GLI3: variants seen among roughly 807,000 people sequenced by gnomAD.
GLI3 encodes GLI family zinc finger 3.
Under a neutral mutation model 100.8 loss-of-function variants are expected in GLI3, and 20 were observed. That is an observed-to-expected ratio of 0.20 (90% CI 0.14 to 0.29). The LOEUF (loss-of-function observed/expected upper bound fraction) is 0.29, where lower values mean the gene tolerates loss of function less well. GLI3 is among the 10% of genes least tolerant of loss of function. The pLI is 1.00. For synonymous variants in GLI3, 938 were observed against 860.5 expected, an observed-to-expected ratio of 1.09 and a Z score of -1.58; for missense variants, 2,040 against 2,128.5, an observed-to-expected ratio of 0.96 and a Z score of 0.82.
At chr7:41,998,136 C>T (rs990604962) in intron 10 of GLI3, among the ~76,000 whole-genome samples, 6 of 152,054 alleles carry the variant, frequency 3.9e-5, no homozygotes, top group Admixed American at 1.3e-4. Context: ...TGGAAAGAGG[C>T]GGTAAAGGAT....
At chr7:42,258,650 G>C (rs1002122729) in intron 1 of GLI3, among the ~76,000 whole-genome samples, 1 of 152,206 alleles carries the variant, frequency 6.6e-6, no homozygotes, top group Non-Finnish European at 1.5e-5. Flanking sequence ...AGAAGTCCAA[G>C]AGCAAGGTGC....
intron 10 of GLI3, among the ~76,000 whole-genome samples, chr7:42,008,134 G>A (rs1423095898): frequency 6.6e-6 from 1 of 152,200 alleles, no homozygotes; most frequent in African/African-American, 2.4e-5. Context: ...TGGATGCTCT[G>A]TATTACCTCT....
chr7:41,997,487 T>C (rs372421134), intron 10 of GLI3, among the ~76,000 whole-genome samples: 28 of 152,290 alleles, frequency 1.8e-4, no homozygotes, highest in African/African-American at 6.7e-4. Context: ...ATACTGAGTA[T>C]CAGATCCACT....
intron 3 of GLI3, among the ~76,000 whole-genome samples, chr7:42,105,156 TG>T (rs940274605): frequency 1.3e-5 from 2 of 152,198 alleles, no homozygotes; most frequent in Non-Finnish European, 2.9e-5. Context: ...TGAAGCCGTG[TG>T]TTTCTAACTC....
chr7:42,229,776 T>A (rs1396249560), intron 1 of GLI3, among the ~76,000 whole-genome samples: 1 of 152,198 alleles, frequency 6.6e-6, no homozygotes, highest in South Asian at 2.1e-4. Flanking sequence ...AAAGAGAATT[T>A]TTTTTTCAGA....
intron 3 of GLI3, among the ~76,000 whole-genome samples, chr7:42,098,000 G>A (rs1405419723): frequency 6.6e-6 from 1 of 152,130 alleles, no homozygotes; most frequent in Non-Finnish European, 1.5e-5. Context: ...CCTCTTTGCG[G>A]ATCAGATTAT....
intron 3 of GLI3, among the ~76,000 whole-genome samples, chr7:42,082,960 T>C (rs766145874): frequency 4.6e-5 from 7 of 152,174 alleles, no homozygotes; most frequent in African/African-American, 1.2e-4. Context: ...ATGAGATATT[T>C]TGACACAGGC....
At chr7:41,968,716 G>A (rs866458837) in intron 13 of GLI3, among the ~76,000 whole-genome samples, 138 of 101,596 alleles carry the variant, frequency 1.4e-3, no homozygotes, top group African/African-American at 5.2e-3. Flanking sequence ...AAAGAAAGAA[G>A]AAAGAAAGAA....
chr7:41,968,459 C>A (rs1787247471), intron 13 of GLI3, among the ~76,000 whole-genome samples: 1 of 151,988 alleles, frequency 6.6e-6, no homozygotes, highest in African/African-American at 2.4e-5. Flanking sequence ...TTTTGCTCAG[C>A]TGAAACATAA....
intron 3 of GLI3, among the ~76,000 whole-genome samples, chr7:42,093,997 T>C (rs1474951439): frequency 6.6e-6 from 1 of 151,872 alleles, no homozygotes; most frequent in Non-Finnish European, 1.5e-5. Flanking sequence ...ATTATCCTAC[T>C]AAGGAAACAG....
chr7:42,228,898 C>T (rs1414158093), intron 1 of GLI3, among the ~76,000 whole-genome samples: 2 of 152,076 alleles, frequency 1.3e-5, no homozygotes, highest in Non-Finnish European at 2.9e-5. Flanking sequence ...ACCTCAACAA[C>T]CAGAGGCTTT....
chr7:42,201,208 C>G (rs1019045), intron 2 of GLI3, among the ~76,000 whole-genome samples: 1 of 111,480 alleles, frequency 9.0e-6, no homozygotes. Flanking sequence ...TGTGATATAT[C>G]TCTCTCTCTC....
intron 4 of GLI3, among the ~76,000 whole-genome samples, chr7:42,058,908 G>T (rs1414965684): frequency 1.3e-5 from 2 of 152,114 alleles, no homozygotes; most frequent in South Asian, 4.1e-4. Context: ...CAAGGTCAAA[G>T]AATTAAAAAG....
At chr7:42,240,141 GACTT>G (rs1486650805), upstream of GLI3, among the ~76,000 whole-genome samples, 2 of 152,166 alleles carry the variant, frequency 1.3e-5, no homozygotes, top group Middle Eastern at 3.2e-3. Context: ...AGCACTAAGA[GACTT>G]ACAGGATTCT....
At chr7:42,170,529 A>T (rs1208065015) in intron 2 of GLI3, among the ~76,000 whole-genome samples, 1 of 149,706 alleles carries the variant, frequency 6.7e-6, no homozygotes, top group Non-Finnish European at 1.5e-5. Flanking sequence ...CAGCCTCCCG[A>T]GTAGCTGGGA....
intron 10 of GLI3, among the ~76,000 whole-genome samples, chr7:42,019,428 T>C (rs1788871731): frequency 6.6e-6 from 1 of 152,184 alleles, no homozygotes; most frequent in South Asian, 2.1e-4. Context: ...AATTAAAACA[T>C]GAGGGAAATG....
At chr7:42,197,215 A>C (rs2128691024) in intron 2 of GLI3, among the ~76,000 whole-genome samples, 1 of 152,332 alleles carries the variant, frequency 6.6e-6, no homozygotes, top group South Asian at 2.1e-4. Context: ...GGTCCCTAGA[A>C]AAATCAAGTC....
Position 41,966,563 on chromosome 7 carries a change from T to C in GLI3, c.2510A>G (p.Asp837Gly), listed in dbSNP as rs1329335991. ...LPGRSDLSGV[D>G]VTMLNMLNRR... ...GTTGAGCATGTTCAGCATAGTGACGTCCACCCCAGAGAGGTCGCTTCTGCC... is the reference window on the plus strand; with the variant it reads ...GTTGAGCATGTTCAGCATAGTGACGCCCACCCCAGAGAGGTCGCTTCTGCC... The change falls in exon 15 of 15, where the codon GAC (aspartate) becomes GGC (glycine). Residue 837 changes from aspartate to glycine, a missense_variant. Coordinates refer to ENST00000395925, the MANE Select transcript of GLI3 (RefSeq NM_000168.6). The surrounding 1 kb of genome is among the most constrained non-coding windows in gnomAD (Gnocchi z 5.8). 6.2e-7 allele frequency: 1 copy of C among 1,613,898 alleles called. No homozygotes were observed. Among genetic ancestry groups the C allele is most frequent in the Non-Finnish European group, 8.5e-7 (1 of 1,180,002 alleles).
chr7:42,110,672 T>C (rs1286295246), intron 3 of GLI3, among the ~76,000 whole-genome samples: 3 of 152,214 alleles, frequency 2.0e-5, no homozygotes, highest in African/African-American at 7.2e-5. Context: ...TCTTAAGCTG[T>C]TTTTAAGTTA....
Sources: allele counts gnomAD v4.1 joint callset (sites outside exome capture counted in the v4.1 genomes callset), GRCh38; gene constraint gnomAD v4.1.1; non-coding constraint Gnocchi (gnomAD v3.1); transcripts MANE v1.5; gene names NCBI Gene and HGNC (gene_info 2026-07-23, HGNC 2026-07-21).